The following GADL1 variants were observed in gnomAD, a reference collection of about 807,000 sequenced individuals.
The protein encoded by GADL1 is GAD like acidic amino acid decarboxylase 1, also known as acidic amino acid decarboxylase GADL1.
In GADL1, 71 loss-of-function variants were observed where a neutral mutation model predicts 69.5. The observed-to-expected ratio is 1.02, with a 90% confidence interval of 0.84 to 1.25. The LOEUF (loss-of-function observed/expected upper bound fraction) is 1.25. Among genes scored for constraint, GADL1 ranks in the 50% most tolerant of loss-of-function variants. The pLI is 0.00. For synonymous variants in GADL1, 254 were observed against 214.4 expected, an observed-to-expected ratio of 1.18 and a Z score of -1.62; for missense variants, 737 against 631.8, an observed-to-expected ratio of 1.17 and a Z score of -1.79.
intron 11 of GADL1, among the ~76,000 whole-genome samples, chr3:30,814,241 C>A (rs1396639050): frequency 6.6e-6 from 1 of 152,140 alleles, no homozygotes; most frequent in Non-Finnish European, 1.5e-5. Context: ...GAACACAAAT[C>A]TTGCTGGGTT....
chr3:30,757,413 G>C (rs1477656399), intron 14 of GADL1, among the ~76,000 whole-genome samples: 2 of 152,158 alleles, frequency 1.3e-5, no homozygotes, highest in African/African-American at 4.8e-5. Context: ...TAAATGCTTA[G>C]GACAATTCGC....
Position 30,728,139 on chromosome 3 carries a change from A to G in GADL1, c.*103T>C. 1 of 1,036,810 alleles carries G rather than the reference A, an allele frequency of 9.6e-7. No individual in the cohort carries two copies. Among genetic ancestry groups the G allele is most frequent in the East Asian group, 2.4e-5 (1 of 41,538 alleles). 64.2% of individuals were successfully genotyped at this position (1,036,810 alleles called of 1,614,324 possible). On this transcript the variant is annotated 3_prime_UTR_variant, in exon 15 of 15. Transcript: ENST00000282538. ...TGGGCCTGGACTGGGAGTATTCCCT[A>G]TTTCTCATCAGAAGGGCTGCAATCT...
At chr3:30,781,506 AAT>A (rs1440743986) in intron 13 of GADL1, among the ~76,000 whole-genome samples, 1 of 152,212 alleles carries the variant, frequency 6.6e-6, no homozygotes, top group African/African-American at 2.4e-5. Flanking sequence ...CAATCATGCA[AAT>A]ATAGAGTGAA....
intron 11 of GADL1, among the ~76,000 whole-genome samples, chr3:30,803,024 C>G (rs77984361): frequency 6.6e-6 from 1 of 152,078 alleles, no homozygotes; most frequent in Non-Finnish European, 1.5e-5. Flanking sequence ...CCCATGAGGT[C>G]GAAGCTGCAG....
At chr3:30,814,160 G>T (rs1483025351) in intron 11 of GADL1, among the ~76,000 whole-genome samples, 1 of 152,122 alleles carries the variant, frequency 6.6e-6, no homozygotes, top group Non-Finnish European at 1.5e-5. Context: ...ACAGATAAAA[G>T]CATCAAGGTT....
chr3:30,751,914 C>A (rs1695830014), intron 14 of GADL1, among the ~76,000 whole-genome samples: 1 of 152,196 alleles, frequency 6.6e-6, no homozygotes, highest in African/African-American at 2.4e-5. Flanking sequence ...GTTTCTCTCC[C>A]CAATATCCCA....
chr3:30,797,829 A>T (rs1002257017), intron 12 of GADL1: 1 of 152,144 alleles, frequency 6.6e-6, no homozygotes, highest in Non-Finnish European at 1.5e-5. Context: ...TTATTTTTTT[A>T]AAAGCATTTC....
chr3:30,816,072 A>G (rs540836970), intron 11 of GADL1, among the ~76,000 whole-genome samples: 20 of 152,274 alleles, frequency 1.3e-4, no homozygotes, highest in Admixed American at 3.3e-4. Context: ...TTATCTGTTT[A>G]TTGAACTTGC....
At position 30,728,045 on chromosome 3, in the gene GADL1, T is replaced by C; in HGVS notation, c.*197A>G. 2.1e-6 allele frequency: 1 copy of C among 471,410 alleles called. No homozygotes were observed. The highest frequency in any genetic ancestry group is 3.8e-6 in the Non-Finnish European group (1 of 265,744). The allele number at this position is 471,410 out of a possible 1,614,324, so 29.2% of individuals were successfully genotyped here. A position where few individuals can be genotyped will look rare whatever the true frequency, so the allele number is the denominator to read the frequency against. On this transcript the variant is annotated 3_prime_UTR_variant, in exon 15 of 15. Transcript: ENST00000282538. ...TCATTTTTTTTTTTAAACTTTCTTC[T>C]TTTAGCAACAGTAATGCCCAGGCAG... is the stretch of plus-strand genomic sequence containing the variant.
At chr3:30,793,329 AT>A (rs1301738765) in intron 12 of GADL1, among the ~76,000 whole-genome samples, 1 of 152,182 alleles carries the variant, frequency 6.6e-6, no homozygotes, top group Non-Finnish European at 1.5e-5. Context: ...GGGATGACTT[AT>A]TCCTCGTAAC....
At chr3:30,762,639 T>C (rs1216711190) in intron 14 of GADL1, among the ~76,000 whole-genome samples, 1 of 152,144 alleles carries the variant, frequency 6.6e-6, no homozygotes, top group African/African-American at 2.4e-5. Context: ...CCACACTTTT[T>C]AAGTTATTTA....
rs187121478 is a variant in GADL1, at chr3:30,768,141, T to C, written c.1392+10038A>G. ...AAATGTATACAGACTTCTTAAAAATTAGTAATACAAAGCTAATCAGGCTCA... is the reference window on the plus strand; with the variant it reads ...AAATGTATACAGACTTCTTAAAAATCAGTAATACAAAGCTAATCAGGCTCA... On this transcript the variant is annotated intron_variant, in intron 14 of 14. Coordinates refer to ENST00000282538, the MANE Select transcript of GADL1 (RefSeq NM_207359.3). 4.7e-4 allele frequency among the ~76,000 whole-genome samples: 71 copies of C among 151,258 alleles called. No individual in the cohort carries two copies. In the Middle Eastern group the frequency reaches 0.017, roughly 36 times the overall value.
intron 1 of GADL1, among the ~76,000 whole-genome samples, chr3:30,870,214 T>G (rs1176585247): frequency 6.6e-6 from 1 of 151,850 alleles, no homozygotes; most frequent in Non-Finnish European, 1.5e-5. Context: ...AGGAAATACC[T>G]GAATGACTTC....
intron 1 of GADL1, among the ~76,000 whole-genome samples, chr3:30,864,383 C>T (rs1698365054): frequency 6.6e-6 from 1 of 151,550 alleles, no homozygotes; most frequent in Non-Finnish European, 1.5e-5. Context: ...GTGTGTCACA[C>T]ACATACACAC....
At chr3:30,772,074 C>T (rs1257371373) in intron 14 of GADL1, among the ~76,000 whole-genome samples, 2 of 152,086 alleles carry the variant, frequency 1.3e-5, no homozygotes, top group South Asian at 2.1e-4. Context: ...CTTCAAGTGC[C>T]GTTAATCAGA....
At chr3:30,763,410 G>A (rs976862149) in intron 14 of GADL1, among the ~76,000 whole-genome samples, 21 of 118,978 alleles carry the variant, frequency 1.8e-4, no homozygotes, top group Non-Finnish European at 3.5e-4. Context: ...GGATGAGGCA[G>A]GAGAATGGCT....
At chr3:30,859,205 T>C (rs1182577358) in intron 2 of GADL1, among the ~76,000 whole-genome samples, 2 of 150,876 alleles carry the variant, frequency 1.3e-5, no homozygotes, top group African/African-American at 4.9e-5. Context: ...GATAGGGAAG[T>C]AGCCAGGGAG....
chr3:30,793,816 T>TC (rs1293262060), intron 12 of GADL1, among the ~76,000 whole-genome samples: 2 of 152,010 alleles, frequency 1.3e-5, no homozygotes, highest in Non-Finnish European at 2.9e-5. Context: ...GCTTAGCGCC[T>TC]CCCTGAACCA....
At chr3:30,807,260 C>T (rs1162843479) in intron 11 of GADL1, among the ~76,000 whole-genome samples, 1 of 152,168 alleles carries the variant, frequency 6.6e-6, no homozygotes, top group Non-Finnish European at 1.5e-5. Context: ...TTTCCCCAGG[C>T]AAGCTACAGA....
Sources: allele counts gnomAD v4.1 joint callset (sites outside exome capture counted in the v4.1 genomes callset), GRCh38; gene constraint gnomAD v4.1.1; transcripts MANE v1.5; gene names NCBI Gene and HGNC (gene_info 2026-07-23, HGNC 2026-07-21).